The following USP35 variants were observed in gnomAD, a reference collection of about 807,000 sequenced individuals.
USP35 encodes the protein ubiquitin specific peptidase 35.
USP35 carries 69 observed loss-of-function variants against 83.8 expected under a neutral mutation model. The observed-to-expected ratio is 0.82, with a 90% CI of 0.68 to 1.01. The LOEUF is 1.01. Ranked by LOEUF, USP35 falls within the 50% of genes least tolerant of loss-of-function variation. The pLI is 0.00. For missense variants in USP35, 1,503 were observed against 1,362.5 expected (o/e 1.10, Z -1.62); for synonymous variants, 714 against 589.5 (o/e 1.21, Z -3.06).
chr11:78,212,827 A>G (rs1863842495), intron 10 of USP35, among the ~76,000 whole-genome samples: 1 of 152,210 alleles, frequency 6.6e-6, no homozygotes, highest in Non-Finnish European at 1.5e-5. Context: ...TATCATCTAG[A>G]AAACCCCATT....
chr11:78,222,740 G>A, the USP35 span, among the ~76,000 whole-genome samples: 2 of 151,832 alleles, frequency 1.3e-5, no homozygotes, highest in African/African-American at 2.4e-5. Flanking sequence ...CTGCCACCAC[G>A]CTTAGCTAAT....
At chr11:78,211,974 G>A (rs543945836) in intron 10 of USP35, among the ~76,000 whole-genome samples, 2 of 152,204 alleles carry the variant, frequency 1.3e-5, no homozygotes, top group Non-Finnish European at 2.9e-5. Context: ...GTTTGCTTTT[G>A]TTGCAATTGC....
At position 78,195,552 on chromosome 11, in the gene USP35, C is replaced by T. The variant is rs550268990; in HGVS notation, c.-10-684C>T. Among the ~76,000 whole-genome samples the T allele has an allele frequency of 5.3e-5, 8 of 152,258 alleles. No homozygotes were observed. The South Asian group carries it at 1.7e-3, about 32-fold the overall frequency. ...TTTGTGTGTGCCCCATCTCATCTCCCCCATGGAAATGACTTGGCTGAGACT... is the reference window on the plus strand; with the variant it reads ...TTTGTGTGTGCCCCATCTCATCTCCTCCATGGAAATGACTTGGCTGAGACT... On this transcript the variant is annotated intron_variant, in intron 1 of 10. Coordinates refer to ENST00000529308, the MANE Select transcript of USP35 (RefSeq NM_020798.4).
rs774698717 is a variant in USP35 at position 78,213,721 on chromosome 11, T to G, written c.2965T>G (p.Phe989Val). 3 of 1,534,386 alleles carry G rather than the reference T, an allele frequency of 2.0e-6. No homozygotes were observed. The highest frequency in any genetic ancestry group is 2.6e-6 in the Non-Finnish European group (3 of 1,151,048). ...LPTSPHWGRGFDEDKDEDEGS... is the reference protein window; with the variant it reads ...LPTSPHWGRGVDEDKDEDEGS... ...CACATCTCCGCACTGGGGGAGGGGC[T>G]TTGATGAAGACAAGGATGAGGATGA... Residue 989 changes from phenylalanine (F) to valine (V), a missense_variant, in exon 11 of 11, where the codon TTT (phenylalanine) becomes GTT (valine). Coordinates refer to ENST00000529308, the MANE Select transcript of USP35 (RefSeq NM_020798.4).
the USP35 span, chr11:78,226,325 A>G: frequency 2.9e-6 from 2 of 687,500 alleles, no homozygotes; most frequent in South Asian, 3.4e-5. Context: ...TGGGTAGAAG[A>G]CACCTATGTT....
chr11:78,198,228 G>T (rs148403568), intron 3 of USP35, among the ~76,000 whole-genome samples, 160 bp downstream of exon 3: 10 of 152,362 alleles, frequency 6.6e-5, no homozygotes, highest in Non-Finnish European at 1.5e-4. Context: ...GCCCTGCTCT[G>T]TGCCTTGCCT....
At chr11:78,211,840 C>G (rs545132117) in intron 10 of USP35, among the ~76,000 whole-genome samples, 1 of 152,042 alleles carries the variant, frequency 6.6e-6, no homozygotes, top group Non-Finnish European at 1.5e-5. Context: ...CTCTGGATAT[C>G]GGACTTAGGT....
At chr11:78,235,671 AAAC>A in the USP35 span, among the ~76,000 whole-genome samples, 1 of 152,212 alleles carries the variant, frequency 6.6e-6, no homozygotes, top group Admixed American at 6.5e-5. Flanking sequence ...GTCTCTGCTA[AAAC>A]AACAAGAGTC....
At chr11:78,230,763 G>C in the USP35 span, among the ~76,000 whole-genome samples, 9 of 152,378 alleles carry the variant, frequency 5.9e-5, no homozygotes, top group Admixed American at 2.0e-4. Context: ...CAGGGAATTT[G>C]TTCTAGCAGC....
At chr11:78,206,760 C>T (rs764949176) in intron 7 of USP35, among the ~76,000 whole-genome samples, 1 of 152,236 alleles carries the variant, frequency 6.6e-6, no homozygotes, top group Non-Finnish European at 1.5e-5. Context: ...GTGTATGTTT[C>T]TAAGTGCTCG....
chr11:78,205,334 G>A (rs149899812), intron 6 of USP35, among the ~76,000 whole-genome samples: 8 of 152,182 alleles, frequency 5.3e-5, no homozygotes, highest in African/African-American at 1.9e-4. Context: ...CCATGAAAAC[G>A]TAGGATGCCA....
chr11:78,196,182 A>T lies in USP35; in HGVS notation c.-10-54A>T. ...CTCAGCACTCGGGGACTGCACCGGGAACTCTTGAGCCCCGCGGTTGTCGGG... is the reference window on the plus strand; with the variant it reads ...CTCAGCACTCGGGGACTGCACCGGGTACTCTTGAGCCCCGCGGTTGTCGGG... On this transcript the variant is annotated intron_variant, in intron 1 of 10. Coordinates refer to ENST00000529308, the MANE Select transcript of USP35 (RefSeq NM_020798.4). This position sits in a 1 kb window ranked among gnomAD's most constrained non-coding sequence, Gnocchi z 4.8. 6.6e-7 allele frequency: 1 copy of T among 1,517,564 alleles called. No homozygotes were observed. Among genetic ancestry groups the T allele is most frequent in the South Asian group, 1.2e-5 (1 of 80,738 alleles). 94.0% of individuals were successfully genotyped at this position (1,517,564 alleles called of 1,614,324 possible).
the USP35 span, chr11:78,223,376 T>C: frequency 2.1e-6 from 3 of 1,453,824 alleles, no homozygotes; most frequent in South Asian, 1.5e-5. Flanking sequence ...CCCTAGCCAC[T>C]GTCCAGAGAT....
Position 78,209,534 on chromosome 11 carries a change from C to A in USP35, c.1679C>A (p.Ala560Asp). 1 of 1,614,144 alleles carries A rather than the reference C, an allele frequency of 6.2e-7. No homozygotes were observed. Among genetic ancestry groups the A allele is most frequent in the Non-Finnish European group, 8.5e-7 (1 of 1,180,000 alleles). ...CCCTCTCCGCCCGAGGAGCCCCCGG[C>A]CCCAAGTTCAACCTCTGTGGAAAAA... ...SSPSPPEEPP[A>D]PSSTSVEKMF... The change falls in exon 10 of 11, where the codon GCC becomes GAC. Residue 560 changes from alanine (A) to aspartate (D), a missense_variant. Coordinates refer to ENST00000529308, the MANE Select transcript of USP35 (RefSeq NM_020798.4).
At chr11:78,190,767 G>T (rs559826052) in intron 1 of USP35, among the ~76,000 whole-genome samples, 1 of 152,322 alleles carries the variant, frequency 6.6e-6, no homozygotes, top group East Asian at 1.9e-4. Context: ...GCATTGAAGG[G>T]TGAGTCAGAA....
the USP35 span, among the ~76,000 whole-genome samples, chr11:78,230,402 C>T: frequency 2.0e-5 from 3 of 152,260 alleles, no homozygotes; most frequent in African/African-American, 7.2e-5. Flanking sequence ...GATACATCAA[C>T]ACCTTACACA....
At chr11:78,227,932 A>T in the USP35 span, among the ~76,000 whole-genome samples, 1 of 152,202 alleles carries the variant, frequency 6.6e-6, no homozygotes, top group Non-Finnish European at 1.5e-5. Flanking sequence ...AGACCTAGAA[A>T]TCTATATGAA....
chr11:78,237,031 T>C, the USP35 span, among the ~76,000 whole-genome samples: 12 of 152,342 alleles, frequency 7.9e-5, no homozygotes, highest in Admixed American at 2.0e-4. Context: ...TTGCCAGATT[T>C]TGATAGTAGG....
the USP35 span, chr11:78,223,765 G>T: frequency 9.1e-7 from 1 of 1,098,068 alleles, no homozygotes; most frequent in Non-Finnish European, 1.3e-6. Flanking sequence ...GGCAAGACAA[G>T]TCATGACTGG....
Sources: allele counts gnomAD v4.1 joint callset (sites outside exome capture counted in the v4.1 genomes callset), GRCh38; gene constraint gnomAD v4.1.1; non-coding constraint Gnocchi (gnomAD v3.1); transcripts MANE v1.5; gene names NCBI Gene and HGNC (gene_info 2026-07-23, HGNC 2026-07-21).